Variants in SORCS3 observed in about 807,000 individuals in gnomAD.
The protein encoded by SORCS3 is sortilin related VPS10 domain containing receptor 3.
SORCS3 carries 57 observed loss-of-function variants against 146.3 expected under a neutral mutation model. The observed-to-expected ratio is 0.39, with a 90% CI of 0.31 to 0.49. The LOEUF (loss-of-function observed/expected upper bound fraction) is 0.49. Among genes scored for constraint, SORCS3 ranks in the 20% least tolerant of loss-of-function variants. SORCS3 has a pLI of 0.92. For missense variants in SORCS3, 1,341 were observed against 1,575.5 expected, an observed-to-expected ratio of 0.85 and a Z score of 2.52; for synonymous variants, 653 against 618.5, an observed-to-expected ratio of 1.06 and a Z score of -0.83.
At chr10:105,239,631 C>A (rs1589704011) in intron 20 of SORCS3, among the ~76,000 whole-genome samples, 1 of 152,066 alleles carries the variant, frequency 6.6e-6, no homozygotes, top group African/African-American at 2.4e-5. Context: ...TTCTAAGGGG[C>A]CTCCCTGTGG....
At chr10:105,047,085 C>A (rs190767628) in intron 5 of SORCS3, among the ~76,000 whole-genome samples, 72 of 152,088 alleles carry the variant, frequency 4.7e-4, no homozygotes, top group African/African-American at 1.6e-3. Context: ...GAATAGTATT[C>A]CACTCTTCCC....
Position 105,119,727 on chromosome 10 carries a change from C to T in SORCS3, c.1212+14212C>T, listed in dbSNP as rs149603809. On this transcript the variant is annotated intron_variant, in intron 7 of 26. Coordinates refer to ENST00000369701, the MANE Select transcript of SORCS3 (RefSeq NM_014978.3). ...TATTGGATTTCGGACTTGCATGGGGCCTGTGGTGCCTTTGTTCTGGCCAAT... is the reference window on the plus strand; with the variant it reads ...TATTGGATTTCGGACTTGCATGGGGTCTGTGGTGCCTTTGTTCTGGCCAAT... Among the ~76,000 whole-genome samples the T allele has an allele frequency of 3.2e-3, 494 of 152,172 alleles. 1 individual carries two copies. The highest frequency in any genetic ancestry group is 6.8e-3 in the Middle Eastern group (2 of 294).
chr10:104,793,154 AT>A (rs938424313), intron 1 of SORCS3, among the ~76,000 whole-genome samples: 4 of 151,336 alleles, frequency 2.6e-5, no homozygotes, highest in East Asian at 1.9e-4. Flanking sequence ...AGAGGTGATT[AT>A]TTTTTTTTCA....
At chr10:105,235,493 T>G (rs2056788371) in intron 20 of SORCS3, among the ~76,000 whole-genome samples, 1 of 151,682 alleles carries the variant, frequency 6.6e-6, no homozygotes, top group Non-Finnish European at 1.5e-5. Flanking sequence ...TGGTTTTTTT[T>G]TTTTAAACTC....
chr10:104,709,484 G>A (rs2016387084), intron 1 of SORCS3, among the ~76,000 whole-genome samples: 1 of 152,072 alleles, frequency 6.6e-6, no homozygotes, highest in African/African-American at 2.4e-5. Context: ...TTTTTACATT[G>A]CTAATATTTA....
At position 105,210,834 on chromosome 10, in the gene SORCS3, C is replaced by T. The variant is rs182589800; in HGVS notation, c.2262-303C>T. 2.6e-4 allele frequency among the ~76,000 whole-genome samples: 40 copies of T among 152,220 alleles called. 1 individual carries two copies. In the East Asian group the frequency reaches 6.4e-3, roughly 24 times the overall value. ...AAAATGTATTTTTAACAGCATCCTC[C>T]GCATTTACTCCCAAGCCAATGTACC... On this transcript the variant is annotated intron_variant, in intron 16 of 26. Coordinates refer to ENST00000369701, the MANE Select transcript of SORCS3 (RefSeq NM_014978.3).
intron 20 of SORCS3, among the ~76,000 whole-genome samples, chr10:105,244,098 C>T (rs1286579754): frequency 6.6e-6 from 1 of 152,094 alleles, no homozygotes; most frequent in Non-Finnish European, 1.5e-5. Context: ...TCTTTATCAG[C>T]TGCCTTAGAT....
chr10:104,762,766 T>G (rs1199277532), intron 1 of SORCS3, among the ~76,000 whole-genome samples: 1 of 152,242 alleles, frequency 6.6e-6, no homozygotes, highest in Non-Finnish European at 1.5e-5. Context: ...ACATCCTTGC[T>G]TCTCCTGTAC....
At chr10:105,247,748 AAAGAAGAAG>A (rs71880366) in intron 22 of SORCS3, among the ~76,000 whole-genome samples, 10 of 150,800 alleles carry the variant, frequency 6.6e-5, no homozygotes, top group African/African-American at 2.4e-4. Flanking sequence ...ATTCTGTCAA[AAAGAAGAAG>A]AAGAAGAAGA....
At chr10:104,897,868 C>G (rs1205584597) in intron 2 of SORCS3, among the ~76,000 whole-genome samples, 2 of 152,176 alleles carry the variant, frequency 1.3e-5, no homozygotes, top group Admixed American at 6.5e-5. Context: ...TGCCAGCCAG[C>G]CTTTGAGAAC....
intron 1 of SORCS3, among the ~76,000 whole-genome samples, chr10:104,792,751 T>A (rs1243311500): frequency 6.6e-6 from 1 of 152,216 alleles, no homozygotes; most frequent in Non-Finnish European, 1.5e-5. Context: ...TGGGTTTACT[T>A]TCTCTAACTT....
chr10:104,825,989 A>G (rs1246838771), intron 1 of SORCS3, among the ~76,000 whole-genome samples: 1 of 152,160 alleles, frequency 6.6e-6, no homozygotes, highest in Non-Finnish European at 1.5e-5. Context: ...TTTCTTAACA[A>G]TGGCCCATTT....
rs1473975852 is a variant in SORCS3 at position 104,828,000 on chromosome 10, A to AGGCTTT, written c.628-14786_628-14781dup. Among the ~76,000 whole-genome samples the AGGCTTT allele has an allele frequency of 2.0e-5, 3 of 152,176 alleles. No individual in the cohort carries two copies. The East Asian group carries it at 5.8e-4, about 29-fold the overall frequency. ...GAGCGTTAGGGCCTTGCTCTGGATT[A>AGGCTTT]GGCTTTGGCTTAAATGAGTGTTGTG... On this transcript the variant is annotated intron_variant, in intron 1 of 26. Transcript: ENST00000369701.
intron 1 of SORCS3, among the ~76,000 whole-genome samples, chr10:104,728,761 T>C (rs1460420117): frequency 6.6e-6 from 1 of 152,186 alleles, no homozygotes; most frequent in African/African-American, 2.4e-5. Flanking sequence ...GGCTGATCTT[T>C]TCTAGCTCTA....
chr10:105,113,508 C>T (rs1305081498), intron 7 of SORCS3, among the ~76,000 whole-genome samples: 1 of 152,022 alleles, frequency 6.6e-6, no homozygotes. Flanking sequence ...TGCCTCATAC[C>T]CAATCATAAT....
chr10:104,808,721 T>G (rs1302820428), intron 1 of SORCS3, among the ~76,000 whole-genome samples: 1 of 152,238 alleles, frequency 6.6e-6, no homozygotes, highest in Non-Finnish European at 1.5e-5. Flanking sequence ...GTAAATTAAC[T>G]AACATCTACT....
At chr10:105,233,071 C>T (rs979361913) in intron 20 of SORCS3, among the ~76,000 whole-genome samples, 1 of 151,536 alleles carries the variant, frequency 6.6e-6, no homozygotes, top group African/African-American at 2.4e-5. Context: ...TCAACTATGT[C>T]CTTATTGATT....
intron 5 of SORCS3, among the ~76,000 whole-genome samples, chr10:105,084,075 T>C (rs1247300480): frequency 1.3e-5 from 2 of 152,236 alleles, no homozygotes; most frequent in African/African-American, 4.8e-5. Context: ...TGTGCCTTTT[T>C]AAGTAGAGAA....
chr10:104,706,487 G>A (rs1330820534), intron 1 of SORCS3, among the ~76,000 whole-genome samples: 3 of 152,188 alleles, frequency 2.0e-5, no homozygotes, highest in South Asian at 2.1e-4. Flanking sequence ...GATTACAGGC[G>A]TGAGCCACTG....
Sources: allele counts gnomAD v4.1 joint callset (sites outside exome capture counted in the v4.1 genomes callset), GRCh38; gene constraint gnomAD v4.1.1; transcripts MANE v1.5; gene names NCBI Gene and HGNC (gene_info 2026-07-23, HGNC 2026-07-21).